Variants in MALRD1 observed in about 807,000 individuals in gnomAD.
MALRD1 encodes the protein MAM and LDL receptor class A domain containing 1.
In MALRD1, 247 loss-of-function variants were observed where a neutral mutation model predicts 242.1. The observed-to-expected ratio is 1.02, with a 90% CI of 0.92 to 1.13. The LOEUF (loss-of-function observed/expected upper bound fraction) is 1.13. MALRD1 is among the 50% of genes most tolerant of loss of function. MALRD1 has a pLI of 0.00. For synonymous variants in MALRD1, 995 were observed against 866.6 expected, an observed-to-expected ratio of 1.15 and a Z score of -2.60; for missense variants, 2,989 against 2,533.1, an observed-to-expected ratio of 1.18 and a Z score of -3.86.
intron 8 of MALRD1, among the ~76,000 whole-genome samples, chr10:19,132,756 C>T (rs774219661): frequency 5.9e-5 from 9 of 152,208 alleles, no homozygotes; most frequent in Middle Eastern, 6.8e-3. Flanking sequence ...AAAATTCATG[C>T]ATTCTATATG....
intron 36 of MALRD1, among the ~76,000 whole-genome samples, chr10:19,633,065 C>T (rs1281013017): frequency 6.6e-6 from 1 of 152,068 alleles, no homozygotes; most frequent in East Asian, 1.9e-4. Flanking sequence ...AACCCTGTCT[C>T]TACTAAAGAT....
chr10:19,235,613 A>AGAGAGAGC (rs769851042), intron 18 of MALRD1, among the ~76,000 whole-genome samples: 22 of 143,730 alleles, frequency 1.5e-4, no homozygotes, highest in African/African-American at 3.7e-4. Context: ...AGAGAGAGAG[A>AGAGAGAGC]GCGCCTAGGT....
chr10:19,205,363 G>A (rs912021143), intron 17 of MALRD1, 98 bp downstream of exon 17: 14 of 1,356,332 alleles, frequency 1.0e-5, no homozygotes, highest in African/African-American at 4.8e-5. Flanking sequence ...ATAACAGTAA[G>A]CATAGCTCCA....
rs573803213 is a variant in MALRD1 at position 19,389,490 on chromosome 10, C to T, written c.4726C>T (p.Arg1576Trp). The T allele has an allele frequency of 2.5e-5, 39 of 1,550,554 alleles. No individual in the cohort carries two copies. In the East Asian group the frequency reaches 2.7e-4, roughly 11 times the overall value. Residue 1576 changes from arginine (R) to tryptophan (W), a missense_variant, in exon 28 of 40, where the codon CGG becomes TGG. By Grantham distance (101) the Arg-to-Trp change is moderately radical. Coordinates refer to ENST00000454679, the MANE Select transcript of MALRD1 (RefSeq NM_001142308.3). The stretch of plus-strand genomic sequence containing the variant: ...TCTGGAAGCTACTGCAGTGGGCCTT[C>T]GGGGTGACAAAGCACACTTCAGGAG... The part of the protein sequence containing the change: ...MYLEATAVGL[R>W]GDKAHFRSTM...
intron 26 of MALRD1, among the ~76,000 whole-genome samples, chr10:19,352,967 A>C (rs917433109): frequency 3.3e-5 from 5 of 152,032 alleles, no homozygotes; most frequent in Admixed American, 3.3e-4. Flanking sequence ...CAAAGGAGTA[A>C]ATTTTCTTAG....
chr10:19,072,401 A>G (rs1590389148), intron 2 of MALRD1, among the ~76,000 whole-genome samples: 1 of 152,328 alleles, frequency 6.6e-6, no homozygotes, highest in African/African-American at 2.4e-5. Context: ...ATGGAAATGT[A>G]TAATTAATAT....
At chr10:19,517,771 A>C (rs1833700621) in intron 31 of MALRD1, among the ~76,000 whole-genome samples, 2 of 151,812 alleles carry the variant, frequency 1.3e-5, no homozygotes, top group South Asian at 4.1e-4. Flanking sequence ...CACAAATTTG[A>C]GGAGCTCAAA....
In MALRD1 at chr10:19,461,831, CTG is replaced by C. The variant is rs1835961569; in HGVS notation, c.5029+11347_5029+11348del. 1.3e-5 allele frequency among the ~76,000 whole-genome samples: 2 copies of C among 152,126 alleles called. 1 individual carries two copies. The highest frequency in any genetic ancestry group is 4.1e-4 in the South Asian group (2 of 4,826). On this transcript the variant is annotated intron_variant, in intron 29 of 39. Transcript: ENST00000454679. Reference sequence around the variant, plus strand: ...TGCACCCCAACCTGGGTGACAGAAACTGTGTGTTTCAGCTCATCTATTTAATT... The same window carrying C: ...TGCACCCCAACCTGGGTGACAGAAACTGTGTTTCAGCTCATCTATTTAATT...
intron 29 of MALRD1, among the ~76,000 whole-genome samples, chr10:19,462,338 C>T (rs1378782510): frequency 3.3e-5 from 5 of 152,196 alleles, no homozygotes; most frequent in Admixed American, 2.6e-4. Flanking sequence ...AGCCACCATG[C>T]CCCCGAGTTT....
chr10:19,264,970 A>T (rs1380049022), intron 19 of MALRD1, among the ~76,000 whole-genome samples: 5 of 151,992 alleles, frequency 3.3e-5, no homozygotes, highest in African/African-American at 1.2e-4. Context: ...CGTTGATTCC[A>T]TCTTGGTAGG....
chr10:19,734,094 TAAAG>T, intron 39 of MALRD1, 59 bp from the exon 40 acceptor site: 1 of 1,308,194 alleles, frequency 7.6e-7, no homozygotes, highest in South Asian at 1.3e-5. Context: ...GCGTGATCTT[TAAAG>T]AGTTTTCTTA....
At chr10:19,535,573 A>G (rs1834638456) in intron 32 of MALRD1, among the ~76,000 whole-genome samples, 2 of 150,778 alleles carry the variant, frequency 1.3e-5, no homozygotes, top group South Asian at 4.2e-4. Context: ...ATATATGTAT[A>G]TACGTATATA....
intron 21 of MALRD1, among the ~76,000 whole-genome samples, chr10:19,317,893 A>G (rs1842768447): frequency 6.6e-6 from 1 of 152,046 alleles, no homozygotes; most frequent in Admixed American, 6.6e-5. Flanking sequence ...GTACATTATC[A>G]CCTTGGATCC....
At chr10:19,236,900 GT>G (rs1370046729) in intron 18 of MALRD1, among the ~76,000 whole-genome samples, 1 of 151,932 alleles carries the variant, frequency 6.6e-6, no homozygotes, top group Non-Finnish European at 1.5e-5. Context: ...TAACACATTA[GT>G]TTTCAGTCTT....
intron 21 of MALRD1, among the ~76,000 whole-genome samples, chr10:19,316,574 G>A (rs1258059148): frequency 6.6e-6 from 1 of 151,866 alleles, no homozygotes; most frequent in East Asian, 1.9e-4. Flanking sequence ...GGTGGGTCAG[G>A]GACTTTTATC....
intron 36 of MALRD1, among the ~76,000 whole-genome samples, chr10:19,651,708 G>A (rs911915641): frequency 1.3e-5 from 2 of 152,152 alleles, no homozygotes; most frequent in African/African-American, 4.8e-5. Context: ...AATATAATGA[G>A]ATATTGCACA....
At chr10:19,410,794 C>T (rs1833248359) in intron 28 of MALRD1, among the ~76,000 whole-genome samples, 1 of 151,700 alleles carries the variant, frequency 6.6e-6, no homozygotes, top group South Asian at 2.1e-4. Context: ...TCTAGAAATT[C>T]CATTTAGCTT....
In MALRD1 at chr10:19,184,871, A is replaced by G. The variant is rs78667503; in HGVS notation, c.1951+9543A>G. On this transcript the variant is annotated intron_variant, in intron 14 of 39. Transcript: ENST00000454679. ...CCTAAATTGTCATTTAATGACATTC[A>G]ACACATTTTGCCAAATGTTTCCCCA... is the stretch of plus-strand genomic sequence containing the variant. Among the ~76,000 whole-genome samples, 2,342 of 152,300 alleles carry G rather than the reference A, an allele frequency of 0.015. 101 individuals carry two copies. In the East Asian group the frequency reaches 0.18, roughly 12 times the overall value.
intron 14 of MALRD1, among the ~76,000 whole-genome samples, chr10:19,200,661 T>TTTGTTTGTTTTTG (rs1564462039): frequency 6.8e-6 from 1 of 146,932 alleles, no homozygotes. Flanking sequence ...TTTTTTTTTT[T>TTTGTTTGTTTTTG]TTTTTTTTTT....
Sources: gnomAD v4.1 joint callset for allele counts (sites outside exome capture counted in the v4.1 genomes callset) on GRCh38, gnomAD v4.1.1 for gene constraint, MANE v1.5 for transcripts, NCBI Gene and HGNC (gene_info 2026-07-23, HGNC 2026-07-21) for gene names.